The following GADL1 variants were observed in gnomAD, a reference collection of about 807,000 sequenced individuals.
GADL1 encodes the protein acidic amino acid decarboxylase GADL1.
Under a neutral mutation model 69.5 loss-of-function variants are expected in GADL1, and 71 were observed. The ratio of observed to expected loss-of-function variants is 1.02; its 90% CI spans 0.84 to 1.25. The LOEUF is 1.25. GADL1 is among the 50% of genes most tolerant of loss of function. The pLI is 0.00. For missense variants in GADL1, 737 were observed against 631.8 expected (o/e 1.17, Z -1.79); for synonymous variants, 254 against 214.4 (o/e 1.18, Z -1.62).
chr3:30,849,403 T>C (rs1698110013), intron 6 of GADL1, among the ~76,000 whole-genome samples: 1 of 152,180 alleles, frequency 6.6e-6, no homozygotes, highest in Non-Finnish European at 1.5e-5. Context: ...TCACTCAAGG[T>C]TACTCAGACA....
In GADL1 at chr3:30,861,585, AT is replaced by A; in HGVS notation, c.210+7del. 6.5e-7 allele frequency: 1 copy of A among 1,540,118 alleles called. No homozygotes were observed. The highest frequency in any genetic ancestry group is 8.8e-7 in the Non-Finnish European group (1 of 1,141,144). ...TTTCTGCAATTTCTTACAGGTTTTA[AT>A]TTTTACCTTCTCATTGACATCTGTA... On this transcript the variant is annotated splice_region_variant and intron_variant, in intron 2 of 14. Coordinates refer to ENST00000282538, the MANE Select transcript of GADL1 (RefSeq NM_207359.3).
At chr3:30,853,211 G>A (rs1012760568) in intron 4 of GADL1, among the ~76,000 whole-genome samples, 4 of 152,060 alleles carry the variant, frequency 2.6e-5, no homozygotes, top group African/African-American at 4.8e-5. Context: ...CTGTCCCCTA[G>A]GCAGTGGTTC....
At chr3:30,835,524 G>A (rs1400489190) in intron 9 of GADL1, among the ~76,000 whole-genome samples, 1 of 151,958 alleles carries the variant, frequency 6.6e-6, no homozygotes, top group East Asian at 1.9e-4. Context: ...CAACTTTGTG[G>A]CCTTAAATCC....
At chr3:30,750,969 G>C (rs1338412389) in intron 14 of GADL1, among the ~76,000 whole-genome samples, 1 of 152,090 alleles carries the variant, frequency 6.6e-6, no homozygotes, top group Non-Finnish European at 1.5e-5. Context: ...TAAAAGAAGC[G>C]TGCTTTGAGA....
intron 1 of GADL1, among the ~76,000 whole-genome samples, chr3:30,876,962 T>C (rs1016114410): frequency 2.6e-5 from 4 of 151,910 alleles, no homozygotes; most frequent in Non-Finnish European, 5.9e-5. Flanking sequence ...AACCACACTC[T>C]AATTCTTGAT....
At chr3:30,864,416 A>G (rs1198639871) in intron 1 of GADL1, among the ~76,000 whole-genome samples, 2 of 151,902 alleles carry the variant, frequency 1.3e-5, no homozygotes, top group African/African-American at 2.4e-5. Flanking sequence ...AAAAAATGTC[A>G]ACACCCACTC....
intron 11 of GADL1, among the ~76,000 whole-genome samples, chr3:30,813,719 G>T (rs866587720): frequency 1.3e-5 from 2 of 152,328 alleles, no homozygotes; most frequent in Non-Finnish European, 2.9e-5. Context: ...TCTGAAACAC[G>T]AGTTCCCTGG....
In GADL1 at chr3:30,807,980, C is replaced by T. The variant is rs556393660; in HGVS notation, c.1051-6892G>A. 1.5e-3 allele frequency among the ~76,000 whole-genome samples: 225 copies of T among 151,734 alleles called. No individual in the cohort carries two copies. In the Middle Eastern group the frequency reaches 0.017, roughly 12 times the overall value. ...CCGGGAGGTGGAGATTGCAGTGAGCCGAGATTGTGCCACTGCACTCCAGCC... is the reference window on the plus strand; with the variant it reads ...CCGGGAGGTGGAGATTGCAGTGAGCTGAGATTGTGCCACTGCACTCCAGCC... On this transcript the variant is annotated intron_variant, in intron 11 of 14. Transcript: ENST00000282538.
At chr3:30,846,470 C>T (rs1376034518) in intron 6 of GADL1, among the ~76,000 whole-genome samples, 3 of 152,086 alleles carry the variant, frequency 2.0e-5, no homozygotes, top group Non-Finnish European at 4.4e-5. Flanking sequence ...GCTGCTTTCT[C>T]CTCAATGTAC....
At chr3:30,818,537 T>G (rs1016821473) in intron 11 of GADL1, among the ~76,000 whole-genome samples, 3 of 152,172 alleles carry the variant, frequency 2.0e-5, no homozygotes, top group Non-Finnish European at 2.9e-5. Context: ...CTCTATTTCA[T>G]GTTATTGTGA....
rs1046177271 is a variant in GADL1, at chr3:30,778,120, GATAA to G, written c.1392+55_1392+58del. On this transcript the variant is annotated intron_variant, in intron 14 of 14. Transcript: ENST00000282538. ...GGCCCTCTTATTTATAGGATCAACA[GATAA>G]TGTACACTGAATCTACTTCATCAAA... 116 of 945,380 alleles carry G rather than the reference GATAA, an allele frequency of 1.2e-4. 1 individual carries two copies. The Admixed American group carries it at 1.5e-3, about 13-fold the overall frequency. The allele number at this position is 945,380 out of a possible 1,614,324, so 58.6% of individuals were successfully genotyped here.
At chr3:30,757,199 C>T (rs1695995029) in intron 14 of GADL1, among the ~76,000 whole-genome samples, 3 of 152,070 alleles carry the variant, frequency 2.0e-5, no homozygotes, top group African/African-American at 7.2e-5. Flanking sequence ...TAAGAAATGG[C>T]CTCCTGGACC....
At chr3:30,732,915 G>A (rs148816486) in intron 14 of GADL1, among the ~76,000 whole-genome samples, 1 of 152,056 alleles carries the variant, frequency 6.6e-6, no homozygotes, top group Non-Finnish European at 1.5e-5. Flanking sequence ...AAATTAGCTG[G>A]GTGAGGTGCT....
chr3:30,783,758 T>C (rs990271927), intron 13 of GADL1, among the ~76,000 whole-genome samples: 2 of 152,066 alleles, frequency 1.3e-5, no homozygotes, highest in Non-Finnish European at 2.9e-5. Context: ...CTCCCACAGA[T>C]GAAAAAATCC....
At chr3:30,758,565 T>C (rs2125483449) in intron 14 of GADL1, among the ~76,000 whole-genome samples, 1 of 152,310 alleles carries the variant, frequency 6.6e-6, no homozygotes, top group Non-Finnish European at 1.5e-5. Flanking sequence ...TGAGATCATA[T>C]ATGTAATGGG....
At chr3:30,887,930 G>T (rs1698731259) in intron 1 of GADL1, among the ~76,000 whole-genome samples, 1 of 152,144 alleles carries the variant, frequency 6.6e-6, no homozygotes, top group African/African-American at 2.4e-5. Context: ...ATTGGTTTCA[G>T]GTCCCCTATG....
chr3:30,797,133 C>T (rs1460383153), intron 12 of GADL1, among the ~76,000 whole-genome samples: 1 of 152,144 alleles, frequency 6.6e-6, no homozygotes, highest in Non-Finnish European at 1.5e-5. Context: ...GCCTTCTTGG[C>T]CTTCTGTCAT....
intron 14 of GADL1, among the ~76,000 whole-genome samples, chr3:30,771,827 GTA>G (rs1252618955): frequency 6.6e-6 from 1 of 152,198 alleles, no homozygotes; most frequent in African/African-American, 2.4e-5. Flanking sequence ...GTGCATGTGT[GTA>G]TGCATATCTA....
At position 30,894,464 on chromosome 3, in the gene GADL1, C is replaced by A. The variant is rs190445512; in HGVS notation, c.37+114G>T. 1.5e-4 allele frequency: 119 copies of A among 792,530 alleles called. No homozygotes were observed. The African/African-American group carries it at 2.0e-3, about 13-fold the overall frequency. 49.1% of individuals were successfully genotyped at this position (792,530 alleles called of 1,614,324 possible). On this transcript the variant is annotated intron_variant, in intron 1 of 14. Transcript: ENST00000282538. ...GAAGATGGGGACTTTCTACCCACCCCAGCCGCTTTACAAAGAAATAACCAA... is the reference window on the plus strand; with the variant it reads ...GAAGATGGGGACTTTCTACCCACCCAAGCCGCTTTACAAAGAAATAACCAA...
Sources: gnomAD v4.1 joint callset for allele counts (sites outside exome capture counted in the v4.1 genomes callset) on GRCh38, gnomAD v4.1.1 for gene constraint, MANE v1.5 for transcripts, NCBI Gene and HGNC (gene_info 2026-07-23, HGNC 2026-07-21) for gene names.